Variants in LINGO2 observed in about 807,000 individuals in gnomAD.
LINGO2 encodes the protein leucine-rich repeat and immunoglobulin-like domain-containing nogo receptor-interacting protein 2.
In LINGO2, 14 loss-of-function variants were observed where a neutral mutation model predicts 30.6. The observed-to-expected ratio is 0.46, with a 90% CI of 0.30 to 0.72. The LOEUF is 0.72. LINGO2 is among the 30% of genes least tolerant of loss of function. LINGO2 has a pLI of 0.07. For missense variants in LINGO2, 729 were observed against 751.7 expected, an observed-to-expected ratio of 0.97 and a Z score of 0.35; for synonymous variants, 317 against 288.5, an observed-to-expected ratio of 1.10 and a Z score of -1.00.
the LINGO2 span, among the ~76,000 whole-genome samples, chr9:28,769,326 C>G: frequency 6.7e-6 from 1 of 149,836 alleles, no homozygotes; most frequent in South Asian, 2.1e-4. Flanking sequence ...AGGAAAATAT[C>G]CCCTTAATTC....
At chr9:28,497,211 G>T (rs1041856765) in intron 1 of LINGO2, among the ~76,000 whole-genome samples, 1 of 152,120 alleles carries the variant, frequency 6.6e-6, no homozygotes, top group Non-Finnish European at 1.5e-5. Flanking sequence ...GGCCTGCCTT[G>T]CTAGGTTGGG....
At chr9:28,296,750 G>A (rs1268281738) in intron 3 of LINGO2, among the ~76,000 whole-genome samples, 1 of 152,138 alleles carries the variant, frequency 6.6e-6, no homozygotes, top group Admixed American at 6.5e-5. Context: ...AAGCAGGAGC[G>A]TTATGTTGAT....
chr9:29,036,976 A>C, the LINGO2 span, among the ~76,000 whole-genome samples: 1 of 151,972 alleles, frequency 6.6e-6, no homozygotes, highest in African/African-American at 2.4e-5. Context: ...ATAATAATTT[A>C]TGTTAGGATG....
the LINGO2 span, among the ~76,000 whole-genome samples, chr9:29,167,248 A>G: frequency 6.6e-6 from 1 of 152,132 alleles, no homozygotes; most frequent in Non-Finnish European, 1.5e-5. Context: ...AAATCAAATA[A>G]CTTTAACATA....
chr9:28,301,797 T>C (rs1824155890), intron 3 of LINGO2, among the ~76,000 whole-genome samples: 1 of 152,038 alleles, frequency 6.6e-6, no homozygotes, highest in South Asian at 2.1e-4. Flanking sequence ...AAGGTCTAAA[T>C]GAAATACAGA....
At chr9:28,249,543 C>A (rs147446791) in intron 4 of LINGO2, among the ~76,000 whole-genome samples, 12 of 151,958 alleles carry the variant, frequency 7.9e-5, no homozygotes, top group African/African-American at 2.9e-4. Context: ...AATTAATGGG[C>A]CTTAAGAATT....
the LINGO2 span, among the ~76,000 whole-genome samples, chr9:29,085,922 G>T: frequency 6.6e-6 from 1 of 152,072 alleles, no homozygotes; most frequent in Non-Finnish European, 1.5e-5. Context: ...ACTTATTCCT[G>T]TTAGTAGTTC....
the LINGO2 span, among the ~76,000 whole-genome samples, chr9:28,859,420 T>C: frequency 3.9e-5 from 6 of 152,110 alleles, no homozygotes; most frequent in South Asian, 2.1e-4. Context: ...AGTAATTCAA[T>C]TGAAGTACTT....
chr9:28,236,348 A>C (rs952321721), intron 4 of LINGO2, among the ~76,000 whole-genome samples: 2 of 152,190 alleles, frequency 1.3e-5, no homozygotes, highest in African/African-American at 4.8e-5. Context: ...CAATCTGAAA[A>C]ATAAATGTTA....
At chr9:28,520,242 C>T (rs1361229751) in intron 1 of LINGO2, among the ~76,000 whole-genome samples, 2 of 151,992 alleles carry the variant, frequency 1.3e-5, no homozygotes, top group African/African-American at 4.8e-5. Flanking sequence ...TTGTTTTAGT[C>T]TTGACTTTAA....
chr9:29,103,500 T>C, the LINGO2 span, among the ~76,000 whole-genome samples: 1 of 152,076 alleles, frequency 6.6e-6, no homozygotes, highest in Non-Finnish European at 1.5e-5. Context: ...TCTTTCATAA[T>C]TTTACATTTA....
chr9:27,998,700 A>C (rs1245701298), intron 5 of LINGO2, among the ~76,000 whole-genome samples: 1 of 152,140 alleles, frequency 6.6e-6, no homozygotes, highest in African/African-American at 2.4e-5. Flanking sequence ...AGAATTGCTG[A>C]AACCAGGGAA....
chr9:28,804,991 C>T, the LINGO2 span, among the ~76,000 whole-genome samples: 1 of 152,112 alleles, frequency 6.6e-6, no homozygotes, highest in Non-Finnish European at 1.5e-5. Flanking sequence ...TTTAAACATT[C>T]AGGCCCTATA....
At chr9:27,994,877 CT>C (rs1821580359) in intron 5 of LINGO2, among the ~76,000 whole-genome samples, 5 of 152,140 alleles carry the variant, frequency 3.3e-5, no homozygotes, top group Non-Finnish European at 7.4e-5. Flanking sequence ...CAGCTTGCAG[CT>C]TGCTTTGTCT....
At chr9:28,196,166 T>A (rs1338485395) in intron 4 of LINGO2, among the ~76,000 whole-genome samples, 1 of 151,650 alleles carries the variant, frequency 6.6e-6, no homozygotes, top group Non-Finnish European at 1.5e-5. Flanking sequence ...AATATACACA[T>A]ACATGGATTT....
chr9:28,311,269 G>A (rs1824606602), intron 3 of LINGO2, among the ~76,000 whole-genome samples: 1 of 152,122 alleles, frequency 6.6e-6, no homozygotes, highest in East Asian at 1.9e-4. Context: ...GAGGCAGGGC[G>A]AGATCACAGG....
chr9:29,194,847 G>A, the LINGO2 span, among the ~76,000 whole-genome samples: 2 of 152,078 alleles, frequency 1.3e-5, no homozygotes, highest in African/African-American at 4.8e-5. Flanking sequence ...ATTGAAAAAA[G>A]CTACTCATCA....
At chr9:28,487,530 T>A (rs892608970) in intron 1 of LINGO2, among the ~76,000 whole-genome samples, 3 of 152,176 alleles carry the variant, frequency 2.0e-5, no homozygotes, top group African/African-American at 7.2e-5. Flanking sequence ...TTTATTATAA[T>A]CAATTCTCCC....
At chr9:28,954,828 G>C in the LINGO2 span, among the ~76,000 whole-genome samples, 1 of 152,134 alleles carries the variant, frequency 6.6e-6, no homozygotes, top group Non-Finnish European at 1.5e-5. Flanking sequence ...CCAGGGTGGA[G>C]ATACCACTTT....
Sources: allele counts gnomAD v4.1 joint callset (sites outside exome capture counted in the v4.1 genomes callset), GRCh38; gene constraint gnomAD v4.1.1; transcripts MANE v1.5; gene names NCBI Gene and HGNC (gene_info 2026-07-23, HGNC 2026-07-21).